Variants in ATP10B observed in about 807,000 individuals in gnomAD.
The protein encoded by ATP10B is ATPase phospholipid transporting 10B (putative), also known as phospholipid-transporting ATPase VB.
A neutral mutation model predicts 141.2 loss-of-function variants in ATP10B; 122 were observed. That is an observed-to-expected ratio of 0.86 (90% confidence interval 0.75 to 1.00). The LOEUF (loss-of-function observed/expected upper bound fraction) is 1.00, where lower values mean the gene tolerates loss of function less well. Ranked by LOEUF, ATP10B falls within the 50% of genes least tolerant of loss-of-function variation. The pLI is 0.00. For missense variants in ATP10B, 1,876 were observed against 1,825.3 expected (o/e 1.03, Z -0.51); for synonymous variants, 685 against 692.0 (o/e 0.99, Z 0.16).
At chr5:160,670,847 C>A (rs141464895) in intron 6 of ATP10B, among the ~76,000 whole-genome samples, 180 bp from the exon 7 acceptor site, 174 of 152,140 alleles carry the variant, frequency 1.1e-3, no homozygotes, top group Non-Finnish European at 2.0e-3. Context: ...AATAGCTAGG[C>A]ATAATCTACA....
Position 160,783,393 on chromosome 5 carries a change from A to ATG in ATP10B, c.-331+2164_-331+2165dup, listed in dbSNP as rs576788098. ...GTAGTATTTCATCATATATATATAT[A>ATG]TGTGATGGATATATCTATCCATGGA... On this transcript the variant is annotated intron_variant, in intron 2 of 25. Transcript: ENST00000327245. Among the ~76,000 whole-genome samples, 370 of 134,832 alleles carry ATG rather than the reference A, an allele frequency of 2.7e-3. 2 individuals are homozygous for ATG. The highest frequency in any genetic ancestry group is 9.5e-3 in the African/African-American group (344 of 36,316). The allele number at this position is 134,832 out of a possible 152,430, so 88.5% of individuals were successfully genotyped here. A position where few individuals can be genotyped will look rare whatever the true frequency, so the allele number is the denominator to read the frequency against.
the ATP10B span, among the ~76,000 whole-genome samples, chr5:160,868,897 C>T: frequency 6.6e-6 from 1 of 152,078 alleles, no homozygotes; most frequent in Non-Finnish European, 1.5e-5. Flanking sequence ...TATTTACTTG[C>T]ATTAATCTAA....
intron 1 of ATP10B, among the ~76,000 whole-genome samples, chr5:160,822,120 G>C (rs967574141): frequency 4.6e-5 from 7 of 152,052 alleles, no homozygotes; most frequent in African/African-American, 1.7e-4. Flanking sequence ...CATCTGACAA[G>C]GGATTAATAA....
At chr5:160,758,174 C>T (rs1004736015) in intron 2 of ATP10B, among the ~76,000 whole-genome samples, 3 of 152,090 alleles carry the variant, frequency 2.0e-5, no homozygotes, top group African/African-American at 7.2e-5. Context: ...TATAAGCCAA[C>T]AGTAGCCAAT....
chr5:160,691,198 G>T (rs967663634), intron 3 of ATP10B, among the ~76,000 whole-genome samples: 1 of 152,110 alleles, frequency 6.6e-6, no homozygotes, highest in African/African-American at 2.4e-5. Context: ...ACACACCAGG[G>T]CCTGTTGTGG....
chr5:160,905,124 T>C, the ATP10B span, among the ~76,000 whole-genome samples: 2 of 152,212 alleles, frequency 1.3e-5, no homozygotes, highest in African/African-American at 2.4e-5. Flanking sequence ...TACTACTGTA[T>C]TGTTAGTCCC....
At chr5:160,709,153 T>G (rs1362009097) in intron 3 of ATP10B, among the ~76,000 whole-genome samples, 3 of 152,084 alleles carry the variant, frequency 2.0e-5, no homozygotes, top group Admixed American at 2.0e-4. Context: ...CATTGAGGGA[T>G]AGGGTGAGGA....
the ATP10B span, among the ~76,000 whole-genome samples, chr5:160,867,370 T>G: frequency 3.9e-3 from 598 of 152,186 alleles, 4 homozygotes; most frequent in African/African-American, 0.014. Flanking sequence ...GCTATAGCAC[T>G]GGTCTTGTTT....
Position 160,633,698 on chromosome 5 carries a change from T to TG in ATP10B, c.1381+655dup, listed in dbSNP as rs575873976. On this transcript the variant is annotated intron_variant, in intron 12 of 25. Coordinates refer to ENST00000327245, the MANE Select transcript of ATP10B (RefSeq NM_025153.3). ...ACATGTATCCCAGAACTTAAAGTAT[T>TG]GAAAAAAAAGAATTTCTTTTCTTTT... is the stretch of plus-strand genomic sequence containing the variant. 6.7e-3 allele frequency: 970 copies of TG among 145,136 alleles called. 16 individuals are homozygous for TG. Among genetic ancestry groups the TG allele is most frequent in the African/African-American group, 0.024 (861 of 35,942 alleles). 9.0% of individuals were successfully genotyped at this position (145,136 alleles called of 1,614,324 possible).
chr5:160,816,037 C>G (rs1335439631), intron 1 of ATP10B, among the ~76,000 whole-genome samples: 1 of 151,800 alleles, frequency 6.6e-6, no homozygotes, highest in Non-Finnish European at 1.5e-5. Flanking sequence ...ATTTATAGCA[C>G]TAAATGCCCA....
At chr5:160,886,880 A>G in the ATP10B span, among the ~76,000 whole-genome samples, 1 of 152,204 alleles carries the variant, frequency 6.6e-6, no homozygotes, top group Non-Finnish European at 1.5e-5. Flanking sequence ...GGTGACTATT[A>G]AAAGAAATAC....
At chr5:160,743,105 C>G (rs1474703176) in intron 2 of ATP10B, among the ~76,000 whole-genome samples, 1 of 152,152 alleles carries the variant, frequency 6.6e-6, no homozygotes, top group African/African-American at 2.4e-5. Flanking sequence ...TTCACCACAA[C>G]CCTATGGGAC....
chr5:160,911,346 T>C, the ATP10B span, among the ~76,000 whole-genome samples: 1 of 152,260 alleles, frequency 6.6e-6, no homozygotes, highest in Admixed American at 6.5e-5. Context: ...AAACAATGAC[T>C]GAGAACTAAA....
intron 9 of ATP10B, among the ~76,000 whole-genome samples, chr5:160,641,671 C>T (rs1460391583): frequency 2.0e-5 from 3 of 152,204 alleles, no homozygotes; most frequent in African/African-American, 7.2e-5. Context: ...GAGACTTTGT[C>T]TTTAGACAGA....
the ATP10B span, among the ~76,000 whole-genome samples, chr5:160,897,117 C>T: frequency 6.6e-6 from 1 of 152,154 alleles, no homozygotes; most frequent in African/African-American, 2.4e-5. Flanking sequence ...GAAGCATTCC[C>T]TTTGAAAAAC....
intron 6 of ATP10B, among the ~76,000 whole-genome samples, chr5:160,678,731 T>C (rs1456008382): frequency 1.3e-5 from 2 of 152,208 alleles, no homozygotes; most frequent in African/African-American, 2.4e-5. Flanking sequence ...GATAATCTCA[T>C]TGGATCCACA....
chr5:160,692,723 G>C (rs1764140489), intron 3 of ATP10B: 1 of 152,216 alleles, frequency 6.6e-6, no homozygotes, highest in Admixed American at 6.5e-5. Context: ...TCATCTGTCT[G>C]TCCTATGATT....
intron 7 of ATP10B, among the ~76,000 whole-genome samples, chr5:160,664,989 T>C (rs1261134529): frequency 1.3e-5 from 2 of 152,194 alleles, no homozygotes; most frequent in East Asian, 3.8e-4. Flanking sequence ...TACGTTTGAA[T>C]TCTCTAATAA....
chr5:160,697,043 A>G (rs1421953), intron 3 of ATP10B, among the ~76,000 whole-genome samples: 1 of 152,232 alleles, frequency 6.6e-6, no homozygotes, highest in African/African-American at 2.4e-5. Flanking sequence ...AGTAAAAGCT[A>G]TATTTATTAG....
Sources: gnomAD v4.1 joint callset for allele counts (sites outside exome capture counted in the v4.1 genomes callset) on GRCh38, gnomAD v4.1.1 for gene constraint, MANE v1.5 for transcripts, NCBI Gene and HGNC (gene_info 2026-07-23, HGNC 2026-07-21) for gene names.